THADA: variants seen among roughly 807,000 people sequenced by gnomAD.
The protein encoded by THADA is tRNA (32-2'-O)-methyltransferase regulator THADA.
THADA carries 213 observed loss-of-function variants against 219.8 expected under a neutral mutation model. The ratio of observed to expected loss-of-function variants is 0.97; its 90% CI spans 0.87 to 1.09. The LOEUF is 1.09. Among genes scored for constraint, THADA ranks in the 50% least tolerant of loss-of-function variants. THADA has a pLI of 0.00. For missense variants in THADA, 2,956 were observed against 2,311.3 expected (o/e 1.28, Z -5.72); for synonymous variants, 1,018 against 828.9 (o/e 1.23, Z -3.92).
At chr2:43,563,737 T>G (rs986383026) in intron 15 of THADA, 3 of 152,228 alleles carry the variant, frequency 2.0e-5, no homozygotes, top group African/African-American at 7.2e-5. Flanking sequence ...CTTCCTGGTC[T>G]AGGAAAGGCA....
intron 31 of THADA, among the ~76,000 whole-genome samples, chr2:43,304,150 G>C (rs1482499527): frequency 6.6e-6 from 1 of 152,020 alleles, no homozygotes; most frequent in Non-Finnish European, 1.5e-5. Context: ...TACAGTTCCT[G>C]GCCTTCACTC....
In THADA at chr2:43,574,484, A is replaced by C; in HGVS notation, c.1581T>G (p.Val527=). 6.2e-7 allele frequency: 1 copy of C among 1,613,928 alleles called. No homozygotes were observed. Among genetic ancestry groups the C allele is most frequent in the East Asian group, 2.2e-5 (1 of 44,876 alleles). ...SWIDQWHETW[V]SPLLFILCEG... ...CACACAATATAAAAAGGAGAGGAGA[A>C]ACCCAAGTCTCATGCCACTGGTCAA... is the stretch of plus-strand genomic sequence containing the variant. Residue 527 remains valine, a synonymous_variant, in exon 11 of 38, where the codon GTT becomes GTG. Transcript: ENST00000405975.
intron 26 of THADA, among the ~76,000 whole-genome samples, chr2:43,449,326 T>TG (rs2104889056): frequency 6.6e-6 from 1 of 152,178 alleles, no homozygotes; most frequent in African/African-American, 2.4e-5. Context: ...AAGGGACCTG[T>TG]GGAACACCAT....
chr2:43,234,150 TG>T (rs1209976962), intron 36 of THADA, among the ~76,000 whole-genome samples: 3 of 152,228 alleles, frequency 2.0e-5, no homozygotes, highest in African/African-American at 4.8e-5. Context: ...TCCTATGGGT[TG>T]GGTATTATGT....
intron 28 of THADA, among the ~76,000 whole-genome samples, chr2:43,399,363 C>A (rs574125927): frequency 6.6e-6 from 1 of 152,216 alleles, no homozygotes; most frequent in Non-Finnish European, 1.5e-5. Flanking sequence ...ATTAGGGCTA[C>A]ATGGCCATGT....
intron 31 of THADA, among the ~76,000 whole-genome samples, chr2:43,311,350 A>AAAAC (rs1330816278): frequency 6.6e-6 from 1 of 152,242 alleles, no homozygotes; most frequent in African/African-American, 2.4e-5. Context: ...GGCTATTAAT[A>AAAAC]AAACAGATGG....
chr2:43,397,933 G>A (rs778167125), intron 29 of THADA, 38 bp downstream of exon 29: 8 of 1,604,844 alleles, frequency 5.0e-6, no homozygotes, highest in Non-Finnish European at 6.8e-6. Context: ...TTCATCTTAT[G>A]GTGTTTGACA....
chr2:43,425,433 T>C (rs1471667066), intron 28 of THADA, among the ~76,000 whole-genome samples: 2 of 145,680 alleles, frequency 1.4e-5, no homozygotes, highest in African/African-American at 5.2e-5. Flanking sequence ...ACTGTCTAGC[T>C]TGTTAAAATT....
chr2:43,362,108 C>CAAAT (rs1322910489), intron 29 of THADA, among the ~76,000 whole-genome samples: 4 of 152,328 alleles, frequency 2.6e-5, no homozygotes, highest in Admixed American at 2.6e-4. Flanking sequence ...AACACTGGAA[C>CAAAT]AAATACTTTA....
rs1304846465 is a variant in THADA at position 43,398,200 on chromosome 2, T to A, written c.4059-61A>T. The A allele has an allele frequency of 5.2e-6, 8 of 1,543,356 alleles. No individual in the cohort carries two copies. The Middle Eastern group carries it at 8.7e-4, about 167-fold the overall frequency. On this transcript the variant is annotated intron_variant, in intron 28 of 37. Transcript: ENST00000405975. ...TCATCTCCACATCTGTGACTTTGTA[T>A]ATACTTACATTCTATCTAGCATGGC...
chr2:43,413,703 A>ATCCCAAACT (rs1676591851), intron 28 of THADA, among the ~76,000 whole-genome samples: 1 of 152,170 alleles, frequency 6.6e-6, no homozygotes. Context: ...CTCTTTTCCA[A>ATCCCAAACT]TCCCAAACTT....
chr2:43,593,759 G>A (rs763659433), intron 1 of THADA, among the ~76,000 whole-genome samples: 3 of 149,094 alleles, frequency 2.0e-5, no homozygotes, highest in African/African-American at 7.4e-5. Flanking sequence ...TCAGCCTCCC[G>A]AGTAGCTGGG....
intron 26 of THADA, among the ~76,000 whole-genome samples, chr2:43,473,238 A>C (rs1284497205): frequency 6.6e-6 from 1 of 152,180 alleles, no homozygotes; most frequent in Non-Finnish European, 1.5e-5. Context: ...TTCTTTATAC[A>C]CTTATTCTAT....
intron 31 of THADA, among the ~76,000 whole-genome samples, chr2:43,295,397 G>A (rs553699511): frequency 4.5e-4 from 68 of 152,306 alleles, no homozygotes; most frequent in African/African-American, 1.6e-3. Flanking sequence ...GCCCTCTTCG[G>A]TTTGAGTCAT....
intron 29 of THADA, among the ~76,000 whole-genome samples, chr2:43,392,974 T>C (rs1673569557): frequency 6.6e-6 from 1 of 152,172 alleles, no homozygotes. Flanking sequence ...CTAGGATCCA[T>C]AACTCCTATG....
intron 36 of THADA, among the ~76,000 whole-genome samples, chr2:43,271,162 C>A (rs966949145): frequency 2.0e-5 from 3 of 152,226 alleles, no homozygotes; most frequent in Admixed American, 2.0e-4. Flanking sequence ...CGGCCCTGTG[C>A]TAGGCATGTG....
intron 36 of THADA, among the ~76,000 whole-genome samples, chr2:43,267,471 C>A (rs1428308395): frequency 6.6e-6 from 1 of 152,212 alleles, no homozygotes; most frequent in Non-Finnish European, 1.5e-5. Flanking sequence ...AAAACCCAGT[C>A]TTTCCCCCTT....
chr2:43,384,275 A>G (rs1672378271), intron 29 of THADA, among the ~76,000 whole-genome samples: 1 of 152,154 alleles, frequency 6.6e-6, no homozygotes, highest in Admixed American at 6.6e-5. Flanking sequence ...ACTGAACAAT[A>G]TAGTCCTCCT....
At chr2:43,488,326 C>A (rs1426490918) in intron 25 of THADA, among the ~76,000 whole-genome samples, 3 of 152,156 alleles carry the variant, frequency 2.0e-5, no homozygotes, top group Non-Finnish European at 4.4e-5. Context: ...ACTCGGGAGC[C>A]GTTAGTCGTC....
Sources: allele counts gnomAD v4.1 joint callset (sites outside exome capture counted in the v4.1 genomes callset), GRCh38; gene constraint gnomAD v4.1.1; transcripts MANE v1.5; gene names NCBI Gene and HGNC (gene_info 2026-07-23, HGNC 2026-07-21).